Variants in DDI2 observed in about 807,000 individuals in gnomAD.
DDI2 encodes protein DDI1 homolog 2.
Under a neutral mutation model 48.1 loss-of-function variants are expected in DDI2, and 5 were observed. The observed-to-expected ratio is 0.10, with a 90% CI of 0.05 to 0.22. DDI2 has a LOEUF of 0.22. Ranked by LOEUF, DDI2 falls within the 10% of genes least tolerant of loss-of-function variation. The pLI, the probability that DDI2 is intolerant of heterozygous loss-of-function variation, is 1.00. For missense variants in DDI2, 285 were observed against 506.2 expected, an observed-to-expected ratio of 0.56 and a Z score of 4.19; for synonymous variants, 205 against 183.6, an observed-to-expected ratio of 1.12 and a Z score of -0.94.
intron 8 of DDI2, among the ~76,000 whole-genome samples, chr1:15,655,523 A>G (rs1223642087): frequency 6.6e-6 from 1 of 151,922 alleles, no homozygotes; most frequent in African/African-American, 2.4e-5. Flanking sequence ...AGGCTGAGGA[A>G]GGGTGGATCA....
intron 9 of DDI2, among the ~76,000 whole-genome samples, chr1:15,657,685 C>CT (rs750950101): frequency 6.6e-6 from 1 of 152,166 alleles, no homozygotes; most frequent in Non-Finnish European, 1.5e-5. Flanking sequence ...CTTTATGTTG[C>CT]TTACATGGAT....
At chr1:15,635,334 TAGAG>T (rs1280134231) in intron 4 of DDI2, among the ~76,000 whole-genome samples, 2 of 151,722 alleles carry the variant, frequency 1.3e-5, no homozygotes, top group African/African-American at 4.8e-5. Context: ...AGAAGTGAAA[TAGAG>T]AGTGTCCATA....
chr1:15,646,293 A>G, intron 6 of DDI2, among the ~76,000 whole-genome samples: 1 of 152,196 alleles, frequency 6.6e-6, no homozygotes, highest in East Asian at 1.9e-4. Flanking sequence ...GAGTTCTGTG[A>G]TGTCAGTTGG....
rs1227895817 is a variant in DDI2 at position 15,665,770 on chromosome 1, A to T, written c.*5980A>T. ...CAGCCTTGCAAATCATCGGCCAGAAAAGCTGCAGGGCGTTGCAATGGCCTT... is the reference window on the plus strand; with the variant it reads ...CAGCCTTGCAAATCATCGGCCAGAATAGCTGCAGGGCGTTGCAATGGCCTT... On this transcript the variant is annotated 3_prime_UTR_variant, in exon 10 of 10. Transcript: ENST00000480945. 1 of 152,200 alleles carries T rather than the reference A, an allele frequency of 6.6e-6. No homozygotes were observed. The highest frequency in any genetic ancestry group is 2.4e-5 in the African/African-American group (1 of 41,448). The allele number at this position is 152,200 out of a possible 1,614,324, so 9.4% of individuals were successfully genotyped here.
intron 6 of DDI2, among the ~76,000 whole-genome samples, chr1:15,647,889 G>A (rs985994243): frequency 6.6e-6 from 1 of 152,072 alleles, no homozygotes; most frequent in East Asian, 1.9e-4. Context: ...ACTTGAACCC[G>A]GGAGGCAAAG....
chr1:15,666,594 T>C lies in DDI2; in HGVS notation c.*6804T>C, dbSNP rs542086329. On this transcript the variant is annotated 3_prime_UTR_variant, in exon 10 of 10. Transcript: ENST00000480945. ...AGGAAATTGGTACTCTTGAAGGCTA[T>C]GCAACATGAGTCTTTGAACAAGAAT... 1.3e-5 allele frequency: 2 copies of C among 152,338 alleles called. No individual in the cohort carries two copies. The highest frequency in any genetic ancestry group is 3.9e-4 in the East Asian group (2 of 5,184). The allele number at this position is 152,338 out of a possible 1,614,324, so 9.4% of individuals were successfully genotyped here. A position where few individuals can be genotyped will look rare whatever the true frequency, so the allele number is the denominator to read the frequency against.
chr1:15,652,978 C>T (rs1640216003), intron 8 of DDI2, among the ~76,000 whole-genome samples: 1 of 152,112 alleles, frequency 6.6e-6, no homozygotes, highest in Non-Finnish European at 1.5e-5. Context: ...GCACTCTAGC[C>T]TGGGCAACAG....
At chr1:15,651,511 G>A (rs1365711467) in intron 7 of DDI2, among the ~76,000 whole-genome samples, 195 bp from the exon 8 acceptor site, 4 of 152,044 alleles carry the variant, frequency 2.6e-5, no homozygotes, top group Non-Finnish European at 5.9e-5. Context: ...TAGAGGTGGG[G>A]TTTCACCGTG....
Position 15,651,853 on chromosome 1 carries a change from C to A in DDI2, c.1141C>A (p.Gln381Lys), listed in dbSNP as rs1640188386. 1 of 1,613,604 alleles carries A rather than the reference C, an allele frequency of 6.2e-7. No homozygotes were observed. Among genetic ancestry groups the A allele is most frequent in the East Asian group, 2.2e-5 (1 of 44,862 alleles). Residue 381 changes from glutamine to lysine, a missense_variant, in exon 8 of 10, where the codon CAA becomes AAA. Coordinates refer to ENST00000480945, the MANE Select transcript of DDI2 (RefSeq NM_032341.5). ...TGTACGGCCAGAGGAGATTGCAGAC[C>A]AAGAATTAGCAGAAGCCCTTCAAAA... ...EDVRPEEIAD[Q>K]ELAEALQKSA...
chr1:15,624,697 AG>A (rs1329968348), intron 1 of DDI2, among the ~76,000 whole-genome samples: 1 of 151,986 alleles, frequency 6.6e-6, no homozygotes, highest in African/African-American at 2.4e-5. Context: ...CTCAAACTCC[AG>A]GGCTTAACCC....
In DDI2 at chr1:15,667,476, G is replaced by C. The variant is rs995238139; in HGVS notation, c.*7686G>C. On this transcript the variant is annotated 3_prime_UTR_variant, in exon 10 of 10. Coordinates refer to ENST00000480945, the MANE Select transcript of DDI2 (RefSeq NM_032341.5). ...CTCACATCCCTTTGTGAGCACGGCT[G>C]CTCCGGAATACTGACCATCTGGGCT... 1 of 152,234 alleles carries C rather than the reference G, an allele frequency of 6.6e-6. No individual in the cohort carries two copies. The highest frequency in any genetic ancestry group is 2.4e-5 in the African/African-American group (1 of 41,452). The allele number at this position is 152,234 out of a possible 1,614,324, so 9.4% of individuals were successfully genotyped here. A position where few individuals can be genotyped will look rare whatever the true frequency, so the allele number is the denominator to read the frequency against.
At chr1:15,632,740 A>G (rs1055860891) in intron 3 of DDI2, among the ~76,000 whole-genome samples, 2 of 152,062 alleles carry the variant, frequency 1.3e-5, no homozygotes, top group African/African-American at 2.4e-5. Context: ...AGGAGATTAT[A>G]TAATGCTGTA....
chr1:15,633,455 C>A lies in DDI2; in HGVS notation c.522C>A (p.Val174=). ...TTTTTGTAGAGAAATTTTCTAGAGT[C>A]CTGGTGGAGCAGCAGCAGGACCGAG... ...LSGDLEKFSR[V]LVEQQQDRAR... is the part of the protein sequence containing the mutation. The change falls in exon 4 of 10, where the codon GTC becomes GTA. Residue 174 remains valine, a synonymous_variant. Coordinates refer to ENST00000480945, the MANE Select transcript of DDI2 (RefSeq NM_032341.5). 1 of 1,613,084 alleles carries A rather than the reference C, an allele frequency of 6.2e-7. No homozygotes were observed. Among genetic ancestry groups the A allele is most frequent in the Non-Finnish European group, 8.5e-7 (1 of 1,179,554 alleles).
Position 15,630,339 on chromosome 1 carries a change from G to A in DDI2, c.283G>A (p.Asp95Asn). Reference protein sequence around the residue: ...PVQFPNLPRIDFSSIAVPGTS... With the variant: ...PVQFPNLPRINFSSIAVPGTS... ...TTCCCCAACAGACTTACCCCGAATAGATTTCAGTAGTATAGCTGTGCCTGG... is the reference window on the plus strand; with the variant it reads ...TTCCCCAACAGACTTACCCCGAATAAATTTCAGTAGTATAGCTGTGCCTGG... The change falls in exon 3 of 10, where the codon GAT (aspartate) becomes AAT (asparagine). Residue 95 changes from aspartate to asparagine, a missense_variant. This residue lies in a region of DDI2 where 149 missense variants were observed against 236.5 expected (regional missense o/e 0.63). Transcript: ENST00000480945. The A allele has an allele frequency of 1.9e-6, 3 of 1,614,164 alleles. No individual in the cohort carries two copies. Among genetic ancestry groups the A allele is most frequent in the Non-Finnish European group, 2.5e-6 (3 of 1,180,044 alleles).
At chr1:15,636,167 C>T (rs1026228707) in intron 4 of DDI2, among the ~76,000 whole-genome samples, 1 of 151,986 alleles carries the variant, frequency 6.6e-6, no homozygotes. Context: ...ACAGGGCCTC[C>T]GACGTTTAGG....
intron 6 of DDI2, among the ~76,000 whole-genome samples, chr1:15,646,973 A>G (rs1640102224): frequency 6.6e-6 from 1 of 152,080 alleles, no homozygotes; most frequent in Non-Finnish European, 1.5e-5. Context: ...GCACTTTTTT[A>G]TCTTATAAAA....
chr1:15,621,760 T>C (rs1051487568), intron 1 of DDI2, among the ~76,000 whole-genome samples: 1 of 152,218 alleles, frequency 6.6e-6, no homozygotes, highest in Admixed American at 6.5e-5. Context: ...TTCCCTTTTG[T>C]TGAGCATAAT....
intron 4 of DDI2, chr1:15,633,934 T>C (rs957509625): frequency 4.7e-6 from 2 of 421,740 alleles, no homozygotes; most frequent in Non-Finnish European, 9.3e-6. Flanking sequence ...TCTCTTTCTT[T>C]AGACATATTG....
intron 1 of DDI2, among the ~76,000 whole-genome samples, chr1:15,622,224 G>T (rs1421961453): frequency 1.4e-5 from 2 of 139,886 alleles, no homozygotes. Flanking sequence ...TTGAGACGAG[G>T]TCTTGCCAGT....
Sources: allele counts gnomAD v4.1 joint callset (sites outside exome capture counted in the v4.1 genomes callset), GRCh38; gene constraint gnomAD v4.1.1; regional missense constraint gnomAD v4.1.1; transcripts MANE v1.5; gene names NCBI Gene and HGNC (gene_info 2026-07-23, HGNC 2026-07-21).